The following UBXN2A variants were observed in gnomAD, a reference collection of about 807,000 sequenced individuals.
UBXN2A encodes the protein UBX domain-containing protein 2A.
UBXN2A carries 28 observed loss-of-function variants against 28.4 expected under a neutral mutation model. The ratio of observed to expected loss-of-function variants is 0.99; its 90% CI spans 0.73 to 1.35. The LOEUF (loss-of-function observed/expected upper bound fraction) is 1.35. UBXN2A is among the 40% of genes most tolerant of loss of function. The pLI is 0.00. For synonymous variants in UBXN2A, 97 were observed against 103.6 expected (o/e 0.94, Z 0.39); for missense variants, 253 against 297.9 (o/e 0.85, Z 1.11).
At chr2:23,977,137 G>C in intron 4 of UBXN2A, 62 bp downstream of exon 4, 1 of 1,360,422 alleles carries the variant, frequency 7.4e-7, no homozygotes, top group East Asian at 2.3e-5. Flanking sequence ...GCTGTGGCGA[G>C]AGGATTGCCT....
chr2:23,991,938 C>T (rs555402647), intron 6 of UBXN2A, among the ~76,000 whole-genome samples: 2 of 151,792 alleles, frequency 1.3e-5, no homozygotes, highest in African/African-American at 2.4e-5. Context: ...ATTATAGGCA[C>T]CTGCCACCAC....
chr2:23,970,318 A>T (rs1314703892), intron 2 of UBXN2A, among the ~76,000 whole-genome samples: 12 of 152,038 alleles, frequency 7.9e-5, no homozygotes, highest in Non-Finnish European at 8.8e-5. Flanking sequence ...AAAACACCAC[A>T]CATTTTCTAC....
intron 1 of UBXN2A, 59 bp from the exon 2 acceptor site, chr2:23,958,242 C>A: frequency 1.4e-6 from 2 of 1,422,502 alleles, no homozygotes; most frequent in Non-Finnish European, 9.6e-7. Context: ...TACATGGTAA[C>A]TTACATATTA....
upstream of UBXN2A, among the ~76,000 whole-genome samples, chr2:23,940,016 A>C (rs1348882942): frequency 6.6e-6 from 1 of 151,114 alleles, no homozygotes; most frequent in Non-Finnish European, 1.5e-5. Flanking sequence ...AGGCTGAGGC[A>C]GGAGAATCGC....
chr2:23,944,438 A>G (rs1231111020), intron 1 of UBXN2A: 6 of 892,626 alleles, frequency 6.7e-6, no homozygotes, highest in South Asian at 2.7e-5. Flanking sequence ...ACCCTGGGAA[A>G]AGTTCTCCTT....
At chr2:23,948,138 A>T (rs1365875212) in intron 1 of UBXN2A, among the ~76,000 whole-genome samples, 1 of 151,920 alleles carries the variant, frequency 6.6e-6, no homozygotes, top group Non-Finnish European at 1.5e-5. Context: ...TACAGGCGTG[A>T]GCAACTGTGC....
At chr2:23,938,551 CTCCCT>C (rs1224047977), upstream of UBXN2A, among the ~76,000 whole-genome samples, 16 of 143,150 alleles carry the variant, frequency 1.1e-4, no homozygotes, top group African/African-American at 4.1e-4. Context: ...TGGCCCCCCC[CTCCCT>C]TTTTTTTTTT....
In UBXN2A at chr2:23,971,367, C is replaced by T. The variant is rs769161054; in HGVS notation, c.133C>T (p.Gln45Ter). ...YFVDSLFEEA[Q>*]KVSSKCVSPA... The stretch of plus-strand genomic sequence containing the variant: ...TGTTGATAGCCTTTTTGAGGAAGCT[C>T]AGAAGGTTAGTTCCAAATGTGTGTC... The change falls in exon 3 of 7, where the codon CAG (glutamine) becomes TAG (stop). Residue 45 changes from glutamine to a stop codon, truncating the protein, a stop_gained. Coordinates refer to ENST00000309033, the MANE Select transcript of UBXN2A (RefSeq NM_181713.4). LOFTEE classifies it high-confidence loss of function. 1.9e-6 allele frequency: 3 copies of T among 1,575,462 alleles called. No individual in the cohort carries two copies. Among genetic ancestry groups the T allele is most frequent in the Non-Finnish European group, 1.7e-6 (2 of 1,151,940 alleles).
chr2:23,956,506 C>A (rs1473910467), intron 1 of UBXN2A, among the ~76,000 whole-genome samples: 3 of 152,030 alleles, frequency 2.0e-5, no homozygotes, highest in Non-Finnish European at 4.4e-5. Flanking sequence ...GCGCCGACCA[C>A]CATGCCTGGC....
intron 1 of UBXN2A, among the ~76,000 whole-genome samples, chr2:23,953,736 G>A (rs1164310813): frequency 6.6e-6 from 1 of 152,136 alleles, no homozygotes; most frequent in African/African-American, 2.4e-5. Context: ...TTTTCCTAAA[G>A]AATTTCCCAC....
At chr2:23,941,201 T>G (rs2150795052) in intron 1 of UBXN2A, among the ~76,000 whole-genome samples, 1 of 152,294 alleles carries the variant, frequency 6.6e-6, no homozygotes, top group South Asian at 2.1e-4. Flanking sequence ...AATGTTCGTG[T>G]GGCATCCAGC....
intron 3 of UBXN2A, among the ~76,000 whole-genome samples, chr2:23,974,791 A>C (rs1707586509): frequency 6.6e-6 from 1 of 152,150 alleles, no homozygotes; most frequent in Non-Finnish European, 1.5e-5. Flanking sequence ...CAGCCTGGCT[A>C]ACGTGCTGAA....
intron 3 of UBXN2A, among the ~76,000 whole-genome samples, chr2:23,972,172 G>A (rs1707449412): frequency 6.6e-6 from 1 of 152,162 alleles, no homozygotes; most frequent in Admixed American, 6.6e-5. Context: ...GTAGTGGTGG[G>A]TAAAACTGCA....
rs1023081434 is a variant in UBXN2A at position 24,001,355 on chromosome 2, C to T, written c.*1488C>T. On this transcript the variant is annotated 3_prime_UTR_variant, in exon 7 of 7. Coordinates refer to ENST00000309033, the MANE Select transcript of UBXN2A (RefSeq NM_181713.4). ...TTTAAAGATTATTTCATTTTGATAT[C>T]ACGAAGAAAAACAGGCTTTATATCT... 2 of 152,156 alleles carry T rather than the reference C, an allele frequency of 1.3e-5. No homozygotes were observed. Among genetic ancestry groups the T allele is most frequent in the Non-Finnish European group, 2.9e-5 (2 of 68,028 alleles). The allele number at this position is 152,156 out of a possible 1,614,324, so 9.4% of individuals were successfully genotyped here.
intron 2 of UBXN2A, among the ~76,000 whole-genome samples, chr2:23,961,940 G>A (rs1433571954): frequency 2.6e-5 from 4 of 151,378 alleles, no homozygotes; most frequent in African/African-American, 4.9e-5. Context: ...CGCCTCCCAG[G>A]TTCAAGCAAT....
chr2:23,996,127 C>T (rs1708522492), intron 6 of UBXN2A, among the ~76,000 whole-genome samples: 1 of 149,436 alleles, frequency 6.7e-6, no homozygotes, highest in Non-Finnish European at 1.5e-5. Flanking sequence ...AGTGCAGTGG[C>T]ATGATCTCGG....
At chr2:23,959,768 T>C (rs545095874) in intron 2 of UBXN2A, among the ~76,000 whole-genome samples, 1 of 152,284 alleles carries the variant, frequency 6.6e-6, no homozygotes, top group African/African-American at 2.4e-5. Flanking sequence ...GACAAATTCA[T>C]GTGAAGTATT....
chr2:23,976,613 A>G, intron 3 of UBXN2A, among the ~76,000 whole-genome samples: 1 of 152,192 alleles, frequency 6.6e-6, no homozygotes, highest in East Asian at 1.9e-4. Context: ...ATTCACTATC[A>G]CAAGAATTGC....
intron 3 of UBXN2A, among the ~76,000 whole-genome samples, chr2:23,974,461 T>A (rs894278174): frequency 6.6e-6 from 1 of 151,732 alleles, no homozygotes; most frequent in African/African-American, 2.4e-5. Context: ...TTCTCCTGCC[T>A]CAGCCTCCTG....
Sources: gnomAD v4.1 joint callset for allele counts (sites outside exome capture counted in the v4.1 genomes callset) on GRCh38, gnomAD v4.1.1 for gene constraint, MANE v1.5 for transcripts, NCBI Gene and HGNC (gene_info 2026-07-23, HGNC 2026-07-21) for gene names.